Variants in ZIC4 observed in about 807,000 individuals in gnomAD.
ZIC4 encodes the protein zinc finger protein ZIC 4.
ZIC4 carries 15 observed loss-of-function variants against 28.8 expected under a neutral mutation model. The observed-to-expected ratio is 0.52, with a 90% confidence interval of 0.35 to 0.80. The LOEUF (loss-of-function observed/expected upper bound fraction) is 0.80, where lower values mean the gene tolerates loss of function less well. Among genes scored for constraint, ZIC4 ranks in the 30% least tolerant of loss-of-function variants. ZIC4 has a pLI of 0.01. For missense variants in ZIC4, 512 were observed against 467.1 expected (o/e 1.10, Z -0.89); for synonymous variants, 220 against 198.1 (o/e 1.11, Z -0.93).
At position 147,388,800 on chromosome 3, in the gene ZIC4, G is replaced by C. The variant is rs1461913062; in HGVS notation, c.*59C>G. 1.3e-6 allele frequency: 1 copy of C among 769,398 alleles called. No individual in the cohort carries two copies. Among genetic ancestry groups the C allele is most frequent in the African/African-American group, 1.7e-5 (1 of 58,380 alleles). The allele number at this position is 769,398 out of a possible 1,614,324, so 47.7% of individuals were successfully genotyped here. A position where few individuals can be genotyped will look rare whatever the true frequency, so the allele number is the denominator to read the frequency against. ...GCGGGCCCTTTGATGTAGCAGGCGC[G>C]AGATGCGGGGCGCTCAGCTGCGCGG... On this transcript the variant is annotated 3_prime_UTR_variant, in exon 5 of 5. Transcript: ENST00000383075.
chr3:147,396,299 C>G lies in ZIC4; in HGVS notation c.241G>C (p.Gly81Arg), dbSNP rs779971079. The change falls in exon 3 of 5, where the codon GGG (glycine) becomes CGG (arginine). Residue 81 changes from glycine (G) to arginine (R), a missense_variant. By Grantham distance (125) the Gly-to-Arg change is moderately radical (BLOSUM62 -2). Transcript: ENST00000383075. This position sits in a 1 kb window ranked among gnomAD's most constrained non-coding sequence, Gnocchi z 4.2. ...AGGGCGTCGCTGCGGGCCGCAGGCCCTGGCGGGAAGGGCTCCGGCCGCGCG... is the reference window on the plus strand; with the variant it reads ...AGGGCGTCGCTGCGGGCCGCAGGCCGTGGCGGGAAGGGCTCCGGCCGCGCG... ...MYARPEPFPP[G>R]PAARSDALAA... The G allele has an allele frequency of 1.2e-6, 2 of 1,605,044 alleles. No individual in the cohort carries two copies. Among genetic ancestry groups the G allele is most frequent in the African/African-American group, 1.3e-5 (1 of 74,432 alleles).
intron 2 of ZIC4, among the ~76,000 whole-genome samples, chr3:147,400,850 G>A (rs2087151218): frequency 6.7e-6 from 1 of 150,224 alleles, no homozygotes; most frequent in Admixed American, 6.6e-5. Flanking sequence ...TGTCTCCTCA[G>A]TGCTCTTCAG....
intron 3 of ZIC4, among the ~76,000 whole-genome samples, chr3:147,395,611 A>C (rs1331012365): frequency 6.6e-6 from 1 of 152,180 alleles, no homozygotes; most frequent in Non-Finnish European, 1.5e-5. Flanking sequence ...ACAGGGTCTT[A>C]GGCACGTTCA....
intron 4 of ZIC4, 184 bp from the exon 5 acceptor site, chr3:147,389,043 T>C: frequency 3.2e-6 from 2 of 618,760 alleles, no homozygotes; most frequent in Non-Finnish European, 5.9e-6. Context: ...GTTCCGCAAA[T>C]GCCCTCTGCA....
chr3:147,406,179 G>C (rs1487255700), intron 1 of ZIC4, 184 bp downstream of exon 1: 3 of 152,904 alleles, frequency 2.0e-5, no homozygotes, highest in Non-Finnish European at 2.9e-5. Context: ...AGTGTCAGTG[G>C]GGTGGGGCCT....
At position 147,402,785 on chromosome 3, in the gene ZIC4, T is replaced by A. The variant is rs1187671172; in HGVS notation, c.13A>T (p.Thr5Ser). 8.7e-6 allele frequency: 14 copies of A among 1,613,958 alleles called. 1 individual carries two copies. In the South Asian group the frequency reaches 1.5e-4, roughly 18 times the overall value. Residue 5 changes from threonine to serine, a missense_variant, in exon 2 of 5, where the codon ACA becomes TCA. By Grantham distance (58) the Thr-to-Ser change is moderately conservative (BLOSUM62 1). This residue lies in a region of ZIC4 where 310 missense variants were observed against 256.5 expected (regional missense o/e 1.21). Coordinates refer to ENST00000383075, the MANE Select transcript of ZIC4 (RefSeq NM_032153.6). MRYKTSLVMRKRLRL... is the reference protein window; with the variant it reads MRYKSSLVMRKRLRL... The stretch of plus-strand genomic sequence containing the variant: ...AATCGTTTCCTCATCACCAAGGATG[T>A]CTTGTATCTCATTTTCTGACTTTGA...
In ZIC4 at chr3:147,395,901, C is replaced by G; in HGVS notation, c.639G>C (p.Lys213Asn). Residue 213 changes from lysine to asparagine, a missense_variant, in exon 3 of 5, where the codon AAG becomes AAC. This residue lies in a region of ZIC4 where 58 missense variants were observed against 93.8 expected (regional missense o/e 0.62). Transcript: ENST00000383075. Reference protein sequence around the residue: ...PFPCPFPGCGKVFARSENLKI... With the variant: ...PFPCPFPGCGNVFARSENLKI... ...TGAGATTTTCTGATCTAGCAAAGAC[C>G]TTCCCACACCCCGGGAAAGGACAAG... The G allele has an allele frequency of 6.2e-7, 1 of 1,614,190 alleles. No homozygotes were observed. The highest frequency in any genetic ancestry group is 8.5e-7 in the Non-Finnish European group (1 of 1,180,038).
chr3:147,404,301 C>G, intron 1 of ZIC4: 3 of 1,411,472 alleles, frequency 2.1e-6, no homozygotes, highest in Non-Finnish European at 2.8e-6. Context: ...GTCCTGTCAG[C>G]CTTTTGTGCA....
chr3:147,395,361 C>T (rs547869298), intron 3 of ZIC4, among the ~76,000 whole-genome samples: 3 of 152,264 alleles, frequency 2.0e-5, no homozygotes, highest in Non-Finnish European at 4.4e-5. Context: ...CTCAAAAATA[C>T]GTACAAAGTT....
chr3:147,388,776 CG>C lies in ZIC4; in HGVS notation c.*82del, dbSNP rs1239339140. 4.0e-6 allele frequency: 3 copies of C among 754,314 alleles called. No homozygotes were observed. Among genetic ancestry groups the C allele is most frequent in the Non-Finnish European group, 7.3e-6 (3 of 408,862 alleles). 46.7% of individuals were successfully genotyped at this position (754,314 alleles called of 1,614,324 possible). A position where few individuals can be genotyped will look rare whatever the true frequency, so the allele number is the denominator to read the frequency against. On this transcript the variant is annotated 3_prime_UTR_variant, in exon 5 of 5. Transcript: ENST00000383075. ...TGGCGAAGAAACACTGCTTTGTGCG[CG>C]GGCCCTTTGATGTAGCAGGCGCGAG...
intron 1 of ZIC4, chr3:147,404,279 C>G: frequency 7.0e-7 from 1 of 1,424,614 alleles, no homozygotes; most frequent in South Asian, 1.5e-5. Context: ...GTCTGGATCA[C>G]TTCTCTCCCA....
intron 3 of ZIC4, among the ~76,000 whole-genome samples, chr3:147,394,504 G>T (rs2086997058): frequency 1.3e-5 from 2 of 150,486 alleles, no homozygotes; most frequent in South Asian, 4.2e-4. Context: ...CATTAAAGAT[G>T]AGTTCCTTCT....
At chr3:147,389,800 C>T (rs896438819) in intron 4 of ZIC4, among the ~76,000 whole-genome samples, 5 of 152,100 alleles carry the variant, frequency 3.3e-5, no homozygotes, top group Non-Finnish European at 5.9e-5. Flanking sequence ...AAAAATAAGA[C>T]GAACATTGTG....
At chr3:147,389,004 G>T in intron 4 of ZIC4, 145 bp from the exon 5 acceptor site, 1 of 643,226 alleles carries the variant, frequency 1.6e-6, no homozygotes, top group Admixed American at 2.8e-5. Context: ...CAGGAAGGGG[G>T]ACTTTTTAAA....
intron 2 of ZIC4, 77 bp downstream of exon 2, chr3:147,402,651 C>A: frequency 2.2e-6 from 3 of 1,349,306 alleles, no homozygotes; most frequent in South Asian, 1.4e-5. Flanking sequence ...AACAAAACTT[C>A]CTACTTAAAA....
chr3:147,388,323 T>C lies in ZIC4; in HGVS notation c.*536A>G, dbSNP rs2086835420. ...CACACTTTCAACCCCAAAACCCGACTCTTTGAACAACCCGAGCTTGATTAG... is the reference window on the plus strand; with the variant it reads ...CACACTTTCAACCCCAAAACCCGACCCTTTGAACAACCCGAGCTTGATTAG... On this transcript the variant is annotated 3_prime_UTR_variant, in exon 5 of 5. Coordinates refer to ENST00000383075, the MANE Select transcript of ZIC4 (RefSeq NM_032153.6). The C allele has an allele frequency of 6.5e-6, 1 of 153,824 alleles. No homozygotes were observed. The highest frequency in any genetic ancestry group is 6.5e-5 in the Admixed American group (1 of 15,354). The allele number at this position is 153,824 out of a possible 1,614,324, so 9.5% of individuals were successfully genotyped here.
chr3:147,393,918 C>T (rs1342652369), intron 3 of ZIC4: 4 of 456,638 alleles, frequency 8.8e-6, no homozygotes, highest in Non-Finnish European at 1.8e-5. Context: ...GGACAGTCGC[C>T]TTCAAAGCCA....
rs962664519 is a variant in ZIC4 at position 147,388,738 on chromosome 3, T to A, written c.*121A>T. 4 of 705,940 alleles carry A rather than the reference T, an allele frequency of 5.7e-6. No homozygotes were observed. The highest frequency in any genetic ancestry group is 4.7e-5 in the South Asian group (3 of 63,192). The allele number at this position is 705,940 out of a possible 1,614,324, so 43.7% of individuals were successfully genotyped here. On this transcript the variant is annotated 3_prime_UTR_variant, in exon 5 of 5. Transcript: ENST00000383075. ...TTGCCATAGAAATCCTAACTTACCA[T>A]GAAGATGCACCGTGGCGAAGAAACA...
intron 1 of ZIC4, chr3:147,403,832 A>G (rs2087218244): frequency 3.2e-6 from 3 of 933,094 alleles, no homozygotes; most frequent in Admixed American, 2.9e-5. Context: ...CCAGTTCTCT[A>G]TGCACAAAGA....
Sources: allele counts gnomAD v4.1 joint callset (sites outside exome capture counted in the v4.1 genomes callset), GRCh38; gene constraint gnomAD v4.1.1; regional missense constraint gnomAD v4.1.1; non-coding constraint Gnocchi (gnomAD v3.1); transcripts MANE v1.5; gene names NCBI Gene and HGNC (gene_info 2026-07-23, HGNC 2026-07-21).